PEPD: variants seen among roughly 807,000 people sequenced by gnomAD.
PEPD encodes peptidase D, also known as xaa-Pro dipeptidase.
A neutral mutation model predicts 60.7 loss-of-function variants in PEPD; 53 were observed. The observed-to-expected ratio is 0.87, with a 90% confidence interval of 0.70 to 1.10. The LOEUF (loss-of-function observed/expected upper bound fraction) is 1.10. Among genes scored for constraint, PEPD ranks in the 50% least tolerant of loss-of-function variants. The pLI is 0.00. For synonymous variants in PEPD, 267 were observed against 284.1 expected, an observed-to-expected ratio of 0.94 and a Z score of 0.60; for missense variants, 711 against 711.9, an observed-to-expected ratio of 1.00 and a Z score of 0.01.
At chr19:33,448,842 T>G (rs956859589) in intron 9 of PEPD, among the ~76,000 whole-genome samples, 2 of 152,230 alleles carry the variant, frequency 1.3e-5, no homozygotes, top group African/African-American at 4.8e-5. Flanking sequence ...TTTTTCAAAT[T>G]TGGTTGACTT....
At chr19:33,409,123 G>A (rs1968706236) in intron 11 of PEPD, among the ~76,000 whole-genome samples, 2 of 152,198 alleles carry the variant, frequency 1.3e-5, no homozygotes. Flanking sequence ...ACAGCATCTG[G>A]GATTATGCCA....
At chr19:33,423,388 C>T (rs772146735) in intron 9 of PEPD, among the ~76,000 whole-genome samples, 7 of 152,196 alleles carry the variant, frequency 4.6e-5, no homozygotes, top group Non-Finnish European at 7.3e-5. Context: ...TCACTGTCCT[C>T]GGGCTAAATT....
chr19:33,497,412 AGCCTCGG>A (rs1225767296), intron 4 of PEPD, among the ~76,000 whole-genome samples: 1 of 152,270 alleles, frequency 6.6e-6, no homozygotes, highest in East Asian at 1.9e-4. Context: ...TTCACGGCAG[AGCCTCGG>A]GGCCCCACTC....
chr19:33,428,021 T>C (rs891286498), intron 9 of PEPD, among the ~76,000 whole-genome samples: 8 of 152,052 alleles, frequency 5.3e-5, no homozygotes, highest in Non-Finnish European at 1.0e-4. Context: ...AGCACTCTCC[T>C]GGCCCCCACC....
intron 11 of PEPD, among the ~76,000 whole-genome samples, chr19:33,405,830 C>T (rs770374857): frequency 2.0e-5 from 3 of 152,252 alleles, no homozygotes; most frequent in Non-Finnish European, 4.4e-5. Context: ...GCCACTCCTC[C>T]AGGGCCTCGG....
At chr19:33,445,898 C>G (rs1378220644) in intron 9 of PEPD, among the ~76,000 whole-genome samples, 1 of 152,196 alleles carries the variant, frequency 6.6e-6, no homozygotes, top group Non-Finnish European at 1.5e-5. Context: ...CTGGCCACAG[C>G]CTGCTGCCCA....
intron 9 of PEPD, among the ~76,000 whole-genome samples, chr19:33,434,693 ACTGGGTGGGGAGAAAG>A (rs1463482396): frequency 6.6e-6 from 1 of 152,070 alleles, no homozygotes; most frequent in Non-Finnish European, 1.5e-5. Flanking sequence ...AACCCCATTT[ACTGGGTGGGGAGAAAG>A]CTGCCACCCA....
chr19:33,452,415 A>C (rs1257744792), intron 9 of PEPD, among the ~76,000 whole-genome samples: 1 of 152,212 alleles, frequency 6.6e-6, no homozygotes, highest in Admixed American at 6.5e-5. Context: ...CGTCAAAACA[A>C]GGTTCAGGAA....
At chr19:33,388,214 C>G in intron 13 of PEPD, 133 bp from the exon 14 acceptor site, 1 of 777,882 alleles carries the variant, frequency 1.3e-6, no homozygotes, top group Non-Finnish European at 2.2e-6. Flanking sequence ...TCAGCCTAGA[C>G]TCGCCCCTGC....
intron 12 of PEPD, among the ~76,000 whole-genome samples, chr19:33,393,188 A>C (rs546757084): frequency 1.0e-3 from 153 of 145,824 alleles, no homozygotes; most frequent in African/African-American, 3.9e-3. Flanking sequence ...GGCGTGGGGG[A>C]GGCCGTCCCG....
chr19:33,495,380 C>T (rs534348881), intron 4 of PEPD, among the ~76,000 whole-genome samples: 1 of 151,574 alleles, frequency 6.6e-6, no homozygotes, highest in South Asian at 2.1e-4. Context: ...TGCCTGTAGT[C>T]CCAGCTACTC....
chr19:33,470,063 G>A (rs539989929), intron 7 of PEPD, among the ~76,000 whole-genome samples: 21 of 151,628 alleles, frequency 1.4e-4, no homozygotes, highest in East Asian at 3.9e-4. Context: ...GCAGAGACCC[G>A]GGCGTCATCC....
At chr19:33,487,887 G>A (rs938876709) in intron 6 of PEPD, among the ~76,000 whole-genome samples, 1 of 152,044 alleles carries the variant, frequency 6.6e-6, no homozygotes, top group African/African-American at 2.4e-5. Context: ...AATCCTCCTG[G>A]GGGGTAGAAC....
At chr19:33,484,627 T>C (rs941744871) in intron 6 of PEPD, among the ~76,000 whole-genome samples, 3 of 151,858 alleles carry the variant, frequency 2.0e-5, no homozygotes, top group African/African-American at 7.3e-5. Context: ...AGGCACAAGC[T>C]TAGGGGAATG....
intron 6 of PEPD, among the ~76,000 whole-genome samples, chr19:33,479,746 T>A (rs1196315461): frequency 1.3e-5 from 2 of 152,258 alleles, no homozygotes; most frequent in Non-Finnish European, 1.5e-5. Context: ...GCAAAGGACA[T>A]GATCTCATTC....
chr19:33,429,412 G>A (rs917288431), intron 9 of PEPD, among the ~76,000 whole-genome samples: 3 of 152,222 alleles, frequency 2.0e-5, no homozygotes, highest in East Asian at 1.9e-4. Flanking sequence ...GTAATTACGC[G>A]GGGGCAGAAA....
intron 11 of PEPD, among the ~76,000 whole-genome samples, chr19:33,409,085 C>T (rs547235566): frequency 1.3e-5 from 2 of 152,372 alleles, no homozygotes; most frequent in Non-Finnish European, 2.9e-5. Flanking sequence ...GATGCAGGTG[C>T]CATGTGCTGT....
rs1342489309 is a variant in PEPD at position 33,387,366 on chromosome 19, GT to G, written c.1459del (p.Thr487ProfsTer51). The G allele has an allele frequency of 3.7e-6, 6 of 1,614,026 alleles. No homozygotes were observed. The highest frequency in any genetic ancestry group is 8.5e-7 in the Non-Finnish European group (1 of 1,180,044). Reference protein sequence around the residue: ...ACMAGCDKAFTPFSGPK With the variant: ...ACMAGCDKAFXPFSGPK The stretch of plus-strand genomic sequence containing the variant: ...GCTCTACTTGGGGCCAGAGAAGGGG[GT>G]AAAGGCCTTGTCACAGCCTGCCATG... On this transcript the variant is annotated frameshift_variant, in exon 15 of 15. Transcript: ENST00000244137. LOFTEE classifies it high-confidence loss of function.
At chr19:33,468,146 AGGTGGG>A (rs1413127399) in intron 7 of PEPD, among the ~76,000 whole-genome samples, 3 of 152,122 alleles carry the variant, frequency 2.0e-5, no homozygotes, top group African/African-American at 7.2e-5. Context: ...TGGAGAATGG[AGGTGGG>A]CAACCCAGCT....
Sources: gnomAD v4.1 joint callset for allele counts (sites outside exome capture counted in the v4.1 genomes callset) on GRCh38, gnomAD v4.1.1 for gene constraint, MANE v1.5 for transcripts, NCBI Gene and HGNC (gene_info 2026-07-23, HGNC 2026-07-21) for gene names.